Variants in TXNRD3 observed in about 807,000 individuals in gnomAD.
The protein encoded by TXNRD3 is TXNRD3 neighbor gene protein.
In TXNRD3, 68 loss-of-function variants were observed where a neutral mutation model predicts 78.2. The observed-to-expected ratio is 0.87, with a 90% CI of 0.72 to 1.06. The LOEUF (loss-of-function observed/expected upper bound fraction) is 1.06. TXNRD3 is among the 50% of genes least tolerant of loss of function. The pLI is 0.00. For synonymous variants in TXNRD3, 296 were observed against 300.1 expected (o/e 0.99, Z 0.14); for missense variants, 751 against 809.5 (o/e 0.93, Z 0.88).
intron 1 of TXNRD3, among the ~76,000 whole-genome samples, chr3:126,651,422 C>A (rs940750064): frequency 6.6e-6 from 1 of 152,128 alleles, no homozygotes; most frequent in Admixed American, 6.6e-5. Flanking sequence ...TCATGGGACT[C>A]AAAATGGTGG....
chr3:126,611,234 T>A (rs904535630), intron 13 of TXNRD3, 102 bp from the exon 14 acceptor site: 42 of 687,358 alleles, frequency 6.1e-5, no homozygotes, highest in African/African-American at 9.3e-5. Context: ...CATAGCAGCT[T>A]TCGGAAATTC....
At chr3:126,638,726 C>T (rs1932979578) in intron 6 of TXNRD3, among the ~76,000 whole-genome samples, 1 of 152,092 alleles carries the variant, frequency 6.6e-6, no homozygotes, top group Admixed American at 6.6e-5. Flanking sequence ...CATAGTGAAA[C>T]TCCTCTGTCT....
intron 10 of TXNRD3, among the ~76,000 whole-genome samples, chr3:126,625,353 T>C (rs1938555560): frequency 7.5e-6 from 1 of 133,008 alleles, no homozygotes; most frequent in African/African-American, 2.9e-5. Flanking sequence ...CCCCTTCCTG[T>C]GTCCATGTGT....
intron 6 of TXNRD3, among the ~76,000 whole-genome samples, chr3:126,637,103 C>T (rs1467742781): frequency 6.6e-6 from 1 of 152,048 alleles, no homozygotes; most frequent in Non-Finnish European, 1.5e-5. Flanking sequence ...ACTAATGGTA[C>T]CTTTTGGAGA....
At chr3:126,638,731 C>G (rs1342765563) in intron 6 of TXNRD3, among the ~76,000 whole-genome samples, 2 of 151,980 alleles carry the variant, frequency 1.3e-5, no homozygotes, top group African/African-American at 4.8e-5. Context: ...TGAAACTCCT[C>G]TGTCTCAAAA....
intron 10 of TXNRD3, among the ~76,000 whole-genome samples, chr3:126,625,399 T>C (rs543854223): frequency 4.0e-5 from 6 of 148,728 alleles, no homozygotes; most frequent in African/African-American, 1.5e-4. Context: ...AGTGAGAACA[T>C]GTAGTGTTTG....
chr3:126,646,303 A>G lies in TXNRD3; in HGVS notation c.305-83T>C, dbSNP rs1377773775. The G allele has an allele frequency of 8.9e-6, 10 of 1,119,374 alleles. No homozygotes were observed. In the East Asian group the frequency reaches 2.6e-4, roughly 29 times the overall value. 69.3% of individuals were successfully genotyped at this position (1,119,374 alleles called of 1,614,324 possible). On this transcript the variant is annotated intron_variant, in intron 2 of 15. Coordinates refer to ENST00000524230, the MANE Select transcript of TXNRD3 (RefSeq NM_052883.3). ...GTTAAACAAAGTGTTACAACACTCAAATGTTCACATGTACATACTCATAAC... is the reference window on the plus strand; with the variant it reads ...GTTAAACAAAGTGTTACAACACTCAGATGTTCACATGTACATACTCATAAC...
intron 13 of TXNRD3, among the ~76,000 whole-genome samples, chr3:126,613,429 G>C (rs184204426): frequency 8.3e-4 from 126 of 152,258 alleles, no homozygotes; most frequent in African/African-American, 2.6e-3. Flanking sequence ...CTATGTAAAA[G>C]CTATTCAAAG....
intron 10 of TXNRD3, among the ~76,000 whole-genome samples, chr3:126,623,852 C>CAAAAAAA (rs4021853): frequency 6.2e-5 from 7 of 112,062 alleles, no homozygotes; most frequent in Admixed American, 9.5e-5. Flanking sequence ...GAAACAAGGC[C>CAAAAAAA]AAAAAAAAAA....
Position 126,615,463 on chromosome 3 carries a change from C to A in TXNRD3, c.1525-1G>T. On this transcript the variant is annotated splice_acceptor_variant, in intron 12 of 15. Transcript: ENST00000524230. LOFTEE classifies it high-confidence loss of function. The stretch of plus-strand genomic sequence containing the variant: ...TAGTCGGAACATTAATATAATCACA[C>A]TGAAAGACAAACAAATTACATTGTC... 1 of 1,435,372 alleles carries A rather than the reference C, an allele frequency of 7.0e-7. No individual in the cohort carries two copies. 88.9% of individuals were successfully genotyped at this position (1,435,372 alleles called of 1,614,324 possible).
chr3:126,610,079 G>T (rs930008114), intron 14 of TXNRD3, among the ~76,000 whole-genome samples: 2 of 152,110 alleles, frequency 1.3e-5, no homozygotes, highest in Non-Finnish European at 2.9e-5. Context: ...CTGCCCTGTA[G>T]CCATATGCAA....
intron 10 of TXNRD3, among the ~76,000 whole-genome samples, chr3:126,628,344 T>C (rs1007721500): frequency 1.3e-5 from 2 of 152,036 alleles, no homozygotes; most frequent in Non-Finnish European, 2.9e-5. Context: ...AACTAATGCA[T>C]TTATACAAGA....
intron 9 of TXNRD3, 42 bp from the exon 10 acceptor site, chr3:126,629,513 T>TA (rs1938661936): frequency 1.1e-5 from 16 of 1,450,416 alleles, no homozygotes; most frequent in Admixed American, 2.0e-5. Context: ...CTAAATATGA[T>TA]AAAAAAGAAA....
intron 7 of TXNRD3, among the ~76,000 whole-genome samples, chr3:126,633,198 C>T (rs1938765057): frequency 2.0e-5 from 3 of 152,132 alleles, no homozygotes; most frequent in Admixed American, 2.0e-4. Flanking sequence ...CTGTGTTATA[C>T]TCCCAATTTC....
chr3:126,654,919 A>T lies in TXNRD3; in HGVS notation c.72T>A (p.His24Gln), dbSNP rs1048901769. The change falls in exon 1 of 16, where the codon CAT (histidine) becomes CAA (glutamine). Residue 24 changes from histidine to glutamine, a missense_variant. Coordinates refer to ENST00000524230, the MANE Select transcript of TXNRD3 (RefSeq NM_052883.3). ...GCGACAACACGCGCGCCCCTCGGAC[A>T]TGGCCCGAGCGGCGGTTGGGGGCAT... The T allele has an allele frequency of 1.7e-4, 222 of 1,301,580 alleles. No homozygotes were observed. The highest frequency in any genetic ancestry group is 1.0e-3 in the Middle Eastern group (4 of 3,830). The allele number at this position is 1,301,580 out of a possible 1,614,324, so 80.6% of individuals were successfully genotyped here.
chr3:126,654,691 G>A (rs1933468809), intron 1 of TXNRD3, 57 bp downstream of exon 1: 1 of 1,173,828 alleles, frequency 8.5e-7, no homozygotes, highest in South Asian at 3.7e-5. Flanking sequence ...TGCCCCGGGT[G>A]GCGTCCGCGT....
At chr3:126,640,948 C>T (rs1933062783) in intron 6 of TXNRD3, among the ~76,000 whole-genome samples, 1 of 151,188 alleles carries the variant, frequency 6.6e-6, no homozygotes, top group Admixed American at 6.6e-5. Flanking sequence ...TGCCTGATAA[C>T]AAAATCATCA....
At chr3:126,632,772 T>C (rs1270000695) in intron 7 of TXNRD3, among the ~76,000 whole-genome samples, 1 of 151,894 alleles carries the variant, frequency 6.6e-6, no homozygotes, top group East Asian at 1.9e-4. Context: ...GTTGGCATCA[T>C]GAGTGGGATG....
chr3:126,613,530 TACACTC>T (rs1271943116), intron 13 of TXNRD3, among the ~76,000 whole-genome samples: 1 of 152,238 alleles, frequency 6.6e-6, no homozygotes, highest in Non-Finnish European at 1.5e-5. Flanking sequence ...CAGATCTAAA[TACACTC>T]ACACTTCCTC....
Sources: gnomAD v4.1 joint callset for allele counts (sites outside exome capture counted in the v4.1 genomes callset) on GRCh38, gnomAD v4.1.1 for gene constraint, MANE v1.5 for transcripts, NCBI Gene and HGNC (gene_info 2026-07-23, HGNC 2026-07-21) for gene names.